The following PGM2 variants were observed in gnomAD, a reference collection of about 807,000 sequenced individuals.
PGM2 encodes phosphopentomutase.
A neutral mutation model predicts 74.6 loss-of-function variants in PGM2; 57 were observed. The ratio of observed to expected loss-of-function variants is 0.76; its 90% CI spans 0.62 to 0.95. The LOEUF (loss-of-function observed/expected upper bound fraction) is 0.95, where lower values mean the gene tolerates loss of function less well. Among genes scored for constraint, PGM2 ranks in the 40% least tolerant of loss-of-function variants. The probability of loss-of-function intolerance (pLI) is 0.00; values close to 1 mark genes in which losing one functional copy is unlikely to be tolerated. For synonymous variants in PGM2, 273 were observed against 260.7 expected, an observed-to-expected ratio of 1.05 and a Z score of -0.46; for missense variants, 706 against 741.9, an observed-to-expected ratio of 0.95 and a Z score of 0.56.
intron 2 of PGM2, among the ~76,000 whole-genome samples, chr4:37,834,270 A>T (rs1725507283): frequency 6.6e-6 from 1 of 152,014 alleles, no homozygotes; most frequent in East Asian, 1.9e-4. Context: ...CAGGAATTCA[A>T]GGTTGCAGTG....
At chr4:37,829,306 C>T (rs1349670695) in intron 1 of PGM2, among the ~76,000 whole-genome samples, 1 of 152,162 alleles carries the variant, frequency 6.6e-6, no homozygotes, top group Non-Finnish European at 1.5e-5. Flanking sequence ...AAGCAAGTCA[C>T]CCAATCTCTG....
chr4:37,843,679 G>C (rs184756121), intron 6 of PGM2, among the ~76,000 whole-genome samples: 1 of 150,684 alleles, frequency 6.6e-6, no homozygotes, highest in Non-Finnish European at 1.5e-5. Flanking sequence ...GCACAATCTC[G>C]GCTCACTGCA....
rs943224615 is a variant in PGM2 at position 37,844,258 on chromosome 4, T to C, written c.720-106T>C. ...ATGGATACGTTTTGTTTTTCTGAAA[T>C]GGAATTAGAAAGATGTTCAGTTGTC... is the stretch of plus-strand genomic sequence containing the variant. On this transcript the variant is annotated intron_variant, in intron 6 of 13. Coordinates refer to ENST00000381967, the MANE Select transcript of PGM2 (RefSeq NM_018290.4). 4 of 669,620 alleles carry C rather than the reference T, an allele frequency of 6.0e-6. No homozygotes were observed. The African/African-American group carries it at 7.3e-5, about 12-fold the overall frequency. The allele number at this position is 669,620 out of a possible 1,614,324, so 41.5% of individuals were successfully genotyped here. A position where few individuals can be genotyped will look rare whatever the true frequency, so the allele number is the denominator to read the frequency against.
chr4:37,849,177 GACA>G (rs1307695425), intron 11 of PGM2, among the ~76,000 whole-genome samples: 1 of 151,808 alleles, frequency 6.6e-6, no homozygotes, highest in African/African-American at 2.4e-5. Flanking sequence ...CTTAACAAAT[GACA>G]ACATGAAAGA....
At chr4:37,828,917 G>T (rs1476448200) in intron 1 of PGM2, among the ~76,000 whole-genome samples, 1 of 152,184 alleles carries the variant, frequency 6.6e-6, no homozygotes, top group East Asian at 1.9e-4. Context: ...AAAAGATGGG[G>T]TTTACTTGAT....
At chr4:37,831,212 A>AAAAAAAG (rs1725435172) in intron 2 of PGM2, among the ~76,000 whole-genome samples, 1 of 151,338 alleles carries the variant, frequency 6.6e-6, no homozygotes, top group African/African-American at 2.4e-5. Flanking sequence ...AAAAAAAAAA[A>AAAAAAAG]AGAATTGCCA....
intron 13 of PGM2, 127 bp downstream of exon 13, chr4:37,855,868 C>T: frequency 2.6e-6 from 2 of 759,258 alleles, no homozygotes; most frequent in Non-Finnish European, 4.0e-6. Flanking sequence ...GTTTCAGAAC[C>T]TGCACTAATA....
intron 1 of PGM2, among the ~76,000 whole-genome samples, chr4:37,829,524 G>A (rs1725382541): frequency 1.3e-5 from 2 of 152,178 alleles, no homozygotes; most frequent in Admixed American, 1.3e-4. Context: ...ACAACTAAAT[G>A]CCAGGTAGAG....
rs369179134 is a variant in PGM2 at position 37,856,649 on chromosome 4, G to A, written c.1736+908G>A. Among the ~76,000 whole-genome samples, 70 of 152,240 alleles carry A rather than the reference G, an allele frequency of 4.6e-4. 1 individual carries two copies. Among genetic ancestry groups the A allele is most frequent in the African/African-American group, 1.6e-3 (68 of 41,552 alleles). On this transcript the variant is annotated intron_variant, in intron 13 of 13. Transcript: ENST00000381967. ...AAGCTCAGTGCTGTCCTTAGTGTGT[G>A]TAAGTGTGATACTGCATGCCTATCC... is the stretch of plus-strand genomic sequence containing the variant.
rs1164165295 is a variant in PGM2, at chr4:37,851,975, T to TTTTTTTTTTTTG, written c.1602+1606_1602+1607insTTTTTTTGTTTT. ...ACCTTTTGTTTGTTTGTTTTCTTTT[T>TTTTTTTTTTTTG]TTTTGGAGACAGGGTCTTGCTGTGT... On this transcript the variant is annotated intron_variant, in intron 12 of 13. Transcript: ENST00000381967. Among the ~76,000 whole-genome samples, 43 of 148,324 alleles carry TTTTTTTTTTTTG rather than the reference T, an allele frequency of 2.9e-4. 3 individuals carry two copies. Among genetic ancestry groups the TTTTTTTTTTTTG allele is most frequent in the Non-Finnish European group, 6.1e-4 (41 of 66,692 alleles).
rs2152178524 is a variant in PGM2 at position 37,845,680 on chromosome 4, A to C, written c.957A>C (p.Leu319Phe). Reference protein sequence around the residue: ...LADKTKARIVLANDPDADRLA... With the variant: ...LADKTKARIVFANDPDADRLA... ...ACAAAACCAAGGCCAGAATTGTTTT[A>C]GCTAACGACCCGGATGCTGATAGAC... is the stretch of plus-strand genomic sequence containing the variant. The change falls in exon 8 of 14, where the codon TTA becomes TTC. Residue 319 changes from leucine (L) to phenylalanine (F), a missense_variant. Physicochemically the swap from Leu to Phe is conservative, Grantham distance 22. This residue lies in a region of PGM2 where 359 missense variants were observed against 371.1 expected (regional missense o/e 0.97). Transcript: ENST00000381967. The C allele has an allele frequency of 1.9e-6, 3 of 1,613,848 alleles. No homozygotes were observed. The highest frequency in any genetic ancestry group is 2.7e-5 in the African/African-American group (2 of 75,056).
At chr4:37,852,359 G>A (rs1320238816) in intron 12 of PGM2, among the ~76,000 whole-genome samples, 2 of 48,566 alleles carry the variant, frequency 4.1e-5, no homozygotes, top group East Asian at 8.8e-4. Context: ...ATGCCTCTCA[G>A]TAGGGTTTTC....
rs964635404 is a variant in PGM2 at position 37,844,634 on chromosome 4, G to A, written c.909+81G>A. ...TGTCAAGTAAAATACATTTTTATGT[G>A]TTTTCATTGTGCTGAAGAAAAACTA... On this transcript the variant is annotated intron_variant, in intron 7 of 13. Coordinates refer to ENST00000381967, the MANE Select transcript of PGM2 (RefSeq NM_018290.4). 1.0e-5 allele frequency: 9 copies of A among 894,788 alleles called. No homozygotes were observed. The East Asian group carries it at 2.2e-4, about 22-fold the overall frequency. 55.4% of individuals were successfully genotyped at this position (894,788 alleles called of 1,614,324 possible). A position where few individuals can be genotyped will look rare whatever the true frequency, so the allele number is the denominator to read the frequency against.
chr4:37,837,196 C>T (rs1461395456), intron 3 of PGM2, among the ~76,000 whole-genome samples: 1 of 152,168 alleles, frequency 6.6e-6, no homozygotes, highest in Non-Finnish European at 1.5e-5. Flanking sequence ...TGCAGACTTG[C>T]CCTGGCTGAG....
chr4:37,850,920 G>A (rs1412365226), intron 12 of PGM2, among the ~76,000 whole-genome samples: 1 of 149,062 alleles, frequency 6.7e-6, no homozygotes, highest in African/African-American at 2.5e-5. Flanking sequence ...GAACCCAGGA[G>A]GCAGAAGTTG....
chr4:37,843,395 C>A (rs1043524581), intron 6 of PGM2, among the ~76,000 whole-genome samples: 1 of 152,110 alleles, frequency 6.6e-6, no homozygotes, highest in South Asian at 2.1e-4. Flanking sequence ...TTAGATAAGA[C>A]CTTGTTCATT....
intron 6 of PGM2, among the ~76,000 whole-genome samples, chr4:37,843,019 A>G (rs1725772304): frequency 1.3e-5 from 2 of 152,276 alleles, no homozygotes; most frequent in East Asian, 1.9e-4. Context: ...GTATATTATC[A>G]TGCATGTTAT....
At chr4:37,851,619 T>C (rs986718053) in intron 12 of PGM2, among the ~76,000 whole-genome samples, 2 of 152,228 alleles carry the variant, frequency 1.3e-5, no homozygotes, top group African/African-American at 4.8e-5. Flanking sequence ...ATGAAAACGC[T>C]TACGATGAAA....
intron 4 of PGM2, chr4:37,839,498 C>A (rs1324847637): frequency 6.4e-6 from 3 of 468,352 alleles, no homozygotes; most frequent in Non-Finnish European, 1.3e-5. Context: ...TAAACTGAAT[C>A]CACAAACTTC....
Sources: gnomAD v4.1 joint callset for allele counts (sites outside exome capture counted in the v4.1 genomes callset) on GRCh38, gnomAD v4.1.1 for gene constraint, gnomAD v4.1.1 regional missense constraint, MANE v1.5 for transcripts, NCBI Gene and HGNC (gene_info 2026-07-23, HGNC 2026-07-21) for gene names.